Variants in MYO3B observed in about 807,000 individuals in gnomAD.
The protein encoded by MYO3B is myosin IIIB.
Under a neutral mutation model 174.6 loss-of-function variants are expected in MYO3B, and 156 were observed. The observed-to-expected ratio is 0.89, with a 90% confidence interval of 0.78 to 1.02. MYO3B has a LOEUF of 1.02. Ranked by LOEUF, MYO3B falls within the 50% of genes least tolerant of loss-of-function variation. The pLI, the probability that MYO3B is intolerant of heterozygous loss-of-function variation, is 0.00. For missense variants in MYO3B, 1,632 were observed against 1,639.4 expected, an observed-to-expected ratio of 1.00 and a Z score of 0.08; for synonymous variants, 563 against 569.1, an observed-to-expected ratio of 0.99 and a Z score of 0.15.
At chr2:170,516,796 C>T (rs189324360) in intron 29 of MYO3B, among the ~76,000 whole-genome samples, 13 of 152,274 alleles carry the variant, frequency 8.5e-5, no homozygotes, top group Admixed American at 3.3e-4. Flanking sequence ...CCATCTCTAG[C>T]GAAGCTTCTA....
intron 7 of MYO3B, among the ~76,000 whole-genome samples, chr2:170,323,017 C>T (rs79968645): frequency 1.3e-3 from 199 of 152,202 alleles, no homozygotes; most frequent in Non-Finnish European, 2.2e-3. Flanking sequence ...GAAATAGATG[C>T]ACAATCTGCC....
intron 7 of MYO3B, among the ~76,000 whole-genome samples, chr2:170,290,870 T>TAAAAAAAAAAAAAA (rs1377913118): frequency 7.8e-6 from 1 of 128,890 alleles, no homozygotes. Flanking sequence ...CCATGAGGCT[T>TAAAAAAAAAAAAAA]ACAAAAAAAA....
intron 7 of MYO3B, among the ~76,000 whole-genome samples, chr2:170,276,827 TG>T (rs1420885378): frequency 6.6e-6 from 1 of 152,192 alleles, no homozygotes; most frequent in Non-Finnish European, 1.5e-5. Context: ...ATAAAGCAAC[TG>T]TTTTTTTGCT....
chr2:170,564,210 C>T (rs960985354), intron 32 of MYO3B, among the ~76,000 whole-genome samples: 36 of 152,168 alleles, frequency 2.4e-4, no homozygotes, highest in African/African-American at 4.8e-4. Context: ...TGGTGGCTCA[C>T]GTCTGTAATC....
At chr2:170,569,437 A>G (rs977650200) in intron 32 of MYO3B, among the ~76,000 whole-genome samples, 2 of 151,920 alleles carry the variant, frequency 1.3e-5, no homozygotes, top group African/African-American at 4.8e-5. Context: ...CTTGAATTGT[A>G]TGCTAATTCA....
intron 7 of MYO3B, among the ~76,000 whole-genome samples, chr2:170,318,852 A>T (rs1365811238): frequency 1.3e-5 from 2 of 152,200 alleles, no homozygotes; most frequent in Non-Finnish European, 2.9e-5. Flanking sequence ...AATCTCACCA[A>T]GTGAGCTTAG....
intron 32 of MYO3B, among the ~76,000 whole-genome samples, chr2:170,554,342 G>A (rs1691132694): frequency 6.6e-6 from 1 of 152,188 alleles, no homozygotes; most frequent in South Asian, 2.1e-4. Context: ...AGGATGAAAA[G>A]GAAGAACAAG....
At chr2:170,569,294 G>C (rs1692271566) in intron 32 of MYO3B, among the ~76,000 whole-genome samples, 1 of 151,494 alleles carries the variant, frequency 6.6e-6, no homozygotes, top group Non-Finnish European at 1.5e-5. Context: ...CCCAGAGCTA[G>C]GCAAAAAAAA....
At chr2:170,260,206 A>G (rs1215570198) in intron 7 of MYO3B, among the ~76,000 whole-genome samples, 1 of 152,238 alleles carries the variant, frequency 6.6e-6, no homozygotes, top group African/African-American at 2.4e-5. Flanking sequence ...CAGCAATCCC[A>G]TTACTGGGTA....
chr2:170,591,546 G>C (rs1196204329), intron 32 of MYO3B, among the ~76,000 whole-genome samples: 2 of 152,100 alleles, frequency 1.3e-5, no homozygotes, highest in African/African-American at 4.8e-5. Flanking sequence ...GGCAGGTCTA[G>C]TGTAGAAAGG....
At chr2:170,470,431 A>G (rs1178405876) in intron 25 of MYO3B, among the ~76,000 whole-genome samples, 1 of 152,218 alleles carries the variant, frequency 6.6e-6, no homozygotes, top group Non-Finnish European at 1.5e-5. Context: ...ACTATGTACC[A>G]GTATGTTATT....
intron 8 of MYO3B, among the ~76,000 whole-genome samples, chr2:170,366,446 G>A (rs1047154337): frequency 1.3e-5 from 2 of 151,706 alleles, no homozygotes; most frequent in African/African-American, 4.8e-5. Context: ...GACTACAGGT[G>A]TGCTCTGCTA....
chr2:170,367,010 A>G (rs1412281686), intron 8 of MYO3B, among the ~76,000 whole-genome samples: 1 of 114,212 alleles, frequency 8.8e-6, no homozygotes, highest in Non-Finnish European at 2.0e-5. Context: ...TGAGGTACCT[A>G]TATTAAGGAG....
chr2:170,623,167 G>A (rs576885325), intron 32 of MYO3B, among the ~76,000 whole-genome samples: 2 of 152,262 alleles, frequency 1.3e-5, no homozygotes, highest in South Asian at 4.1e-4. Flanking sequence ...CACAATGGTT[G>A]AACTAGTGTA....
intron 30 of MYO3B, among the ~76,000 whole-genome samples, chr2:170,529,760 C>T (rs1018817997): frequency 1.3e-5 from 2 of 152,134 alleles, no homozygotes; most frequent in African/African-American, 4.8e-5. Context: ...GAAAATATTG[C>T]AGGAAACAAA....
intron 32 of MYO3B, among the ~76,000 whole-genome samples, chr2:170,589,220 G>C (rs568532020): frequency 6.6e-6 from 1 of 152,274 alleles, no homozygotes; most frequent in African/African-American, 2.4e-5. Context: ...ACACTGAAAG[G>C]TTTTCGATAA....
intron 8 of MYO3B, among the ~76,000 whole-genome samples, chr2:170,352,233 G>T (rs1030499460): frequency 6.6e-6 from 1 of 152,196 alleles, no homozygotes; most frequent in African/African-American, 2.4e-5. Context: ...GATTACAGGT[G>T]TGAGCCACCG....
chr2:170,208,891 C>A (rs935813003), intron 3 of MYO3B, among the ~76,000 whole-genome samples: 3 of 152,270 alleles, frequency 2.0e-5, no homozygotes, highest in African/African-American at 7.2e-5. Context: ...TCGGATAAGA[C>A]CTTTTAAAGC....
At chr2:170,409,975 A>G (rs1179442721) in intron 22 of MYO3B, among the ~76,000 whole-genome samples, 1 of 152,210 alleles carries the variant, frequency 6.6e-6, no homozygotes. Flanking sequence ...GACAGAAATA[A>G]GTTATGCTGT....
Sources: allele counts gnomAD v4.1 joint callset (sites outside exome capture counted in the v4.1 genomes callset), GRCh38; gene constraint gnomAD v4.1.1; transcripts MANE v1.5; gene names NCBI Gene and HGNC (gene_info 2026-07-23, HGNC 2026-07-21).